The following WBP11 variants were observed in gnomAD, a reference collection of about 807,000 sequenced individuals.
The protein encoded by WBP11 is WW domain binding protein 11.
A neutral mutation model predicts 66.7 loss-of-function variants in WBP11; 12 were observed. The observed-to-expected ratio is 0.18, with a 90% CI of 0.12 to 0.29. WBP11 has a LOEUF of 0.29. Among genes scored for constraint, WBP11 ranks in the 10% least tolerant of loss-of-function variants. WBP11 has a pLI of 1.00. For synonymous variants in WBP11, 255 were observed against 273.8 expected, an observed-to-expected ratio of 0.93 and a Z score of 0.68; for missense variants, 555 against 818.3, an observed-to-expected ratio of 0.68 and a Z score of 3.93.
Position 14,787,291 on chromosome 12 carries a change from T to C in WBP11, c.1700A>G (p.Gln567Arg), listed in dbSNP as rs2137226756. 1 of 1,614,222 alleles carries C rather than the reference T, an allele frequency of 6.2e-7. No individual in the cohort carries two copies. The highest frequency in any genetic ancestry group is 2.2e-5 in the East Asian group (1 of 44,868). ...KATATISAKP[Q>R]ITNPKAEITR... Reference sequence around the variant, plus strand: ...AATCTCTGCCTTGGGATTAGTGATCTGTGGCTTGGCACTGATGGTTGCTGT... The same window carrying C: ...AATCTCTGCCTTGGGATTAGTGATCCGTGGCTTGGCACTGATGGTTGCTGT... The change falls in exon 12 of 12, where the codon CAG becomes CGG. Residue 567 changes from glutamine (Q) to arginine (R), a missense_variant. By Grantham distance (43) the Gln-to-Arg change is conservative. Transcript: ENST00000261167.
rs1474364443 is a variant in WBP11 at position 14,785,907 on chromosome 12, T to C, written c.*1158A>G. On this transcript the variant is annotated 3_prime_UTR_variant, in exon 12 of 12. Transcript: ENST00000261167. ...GGAAAATACCCAGAAAAGTTATCTA[T>C]AGGGTTAATTGGTAGATGAGTTAGT... is the stretch of plus-strand genomic sequence containing the variant. 2.6e-5 allele frequency: 4 copies of C among 152,008 alleles called. No homozygotes were observed. Among genetic ancestry groups the C allele is most frequent in the Non-Finnish European group, 1.5e-5 (1 of 68,024 alleles). The allele number at this position is 152,008 out of a possible 1,614,324, so 9.4% of individuals were successfully genotyped here.
At chr12:14,790,833 TAATA>T (rs1949813399) in intron 9 of WBP11, 84 bp from the exon 10 acceptor site, 1 of 1,309,832 alleles carries the variant, frequency 7.6e-7, no homozygotes, top group Admixed American at 2.2e-5. Flanking sequence ...TACACATGGT[TAATA>T]AATGTGTTCT....
chr12:14,792,274 T>TAA (rs34100749), intron 8 of WBP11, among the ~76,000 whole-genome samples: 3 of 151,888 alleles, frequency 2.0e-5, no homozygotes, highest in Non-Finnish European at 4.4e-5. Flanking sequence ...TATTTATGAT[T>TAA]AAAAAAAACC....
chr12:14,797,150 G>T, intron 4 of WBP11, 147 bp from the exon 5 acceptor site: 1 of 517,440 alleles, frequency 1.9e-6, no homozygotes, highest in Non-Finnish European at 3.1e-6. Context: ...TTTATTCGAA[G>T]AACTACAATA....
Position 14,796,763 on chromosome 12 carries a change from G to T in WBP11, c.387+44C>A. On this transcript the variant is annotated intron_variant, in intron 5 of 11. Coordinates refer to ENST00000261167, the MANE Select transcript of WBP11 (RefSeq NM_016312.3). The surrounding 1 kb of genome is among the most constrained non-coding windows in gnomAD (Gnocchi z 4.5). ...ACTTTGCATAAGGGATACTCAATCT[G>T]TATAATATTTTAGTTTATCTCTCAA... is the stretch of plus-strand genomic sequence containing the variant. 1.3e-6 allele frequency: 2 copies of T among 1,547,050 alleles called. No homozygotes were observed. The highest frequency in any genetic ancestry group is 8.7e-7 in the Non-Finnish European group (1 of 1,150,114).
chr12:14,795,706 G>A (rs1949885867), intron 5 of WBP11, among the ~76,000 whole-genome samples: 1 of 151,824 alleles, frequency 6.6e-6, no homozygotes, highest in Non-Finnish European at 1.5e-5. Flanking sequence ...CTCCAGCTTG[G>A]GCAACAGAGT....
At chr12:14,802,494 T>C (rs904501277) in intron 1 of WBP11, among the ~76,000 whole-genome samples, 1 of 152,228 alleles carries the variant, frequency 6.6e-6, no homozygotes, top group African/African-American at 2.4e-5. Flanking sequence ...TCAAAGGCTC[T>C]GATTTTTAGC....
At position 14,791,235 on chromosome 12, in the gene WBP11, A is replaced by T; in HGVS notation, c.949T>A (p.Ser317Thr). Residue 317 changes from serine to threonine, a missense_variant, in exon 9 of 12, where the codon TCA (serine) becomes ACA (threonine). Ser to Thr is a moderately conservative substitution (Grantham distance 58, BLOSUM62 1). Around this residue, in one of 6 missense-constraint regions of WBP11, gnomAD observed 220 missense variants for 268.2 expected, o/e 0.82. Coordinates refer to ENST00000261167, the MANE Select transcript of WBP11 (RefSeq NM_016312.3). ...SVRFADMPGK[S>T]RKKKKNMKEL... is the part of the protein sequence containing the mutation. ...TTCATGTTCTTCTTTTTCTTCCTTG[A>T]TTTTCCAGGCATATCTGCAAACCGT... 1 of 1,613,982 alleles carries T rather than the reference A, an allele frequency of 6.2e-7. No individual in the cohort carries two copies. Among genetic ancestry groups the T allele is most frequent in the Non-Finnish European group, 8.5e-7 (1 of 1,179,974 alleles).
At chr12:14,797,119 A>G (rs1376885600) in intron 4 of WBP11, 116 bp from the exon 5 acceptor site, 1 of 630,690 alleles carries the variant, frequency 1.6e-6, no homozygotes, top group Non-Finnish European at 2.4e-6. Flanking sequence ...AGATCTAGAC[A>G]CCAGACATAC....
Position 14,801,257 on chromosome 12 carries a change from T to G in WBP11, c.64+63A>C, listed in dbSNP as rs370002033. The G allele has an allele frequency of 8.8e-4, 1,333 of 1,510,340 alleles. 4 individuals are homozygous for G. The highest frequency in any genetic ancestry group is 1.3e-3 in the Admixed American group (77 of 58,394). The allele number at this position is 1,510,340 out of a possible 1,614,324, so 93.6% of individuals were successfully genotyped here. A position where few individuals can be genotyped will look rare whatever the true frequency, so the allele number is the denominator to read the frequency against. On this transcript the variant is annotated intron_variant, in intron 2 of 11. Transcript: ENST00000261167. ...GTAATTAAGCCACAGAGAAAGAAAT[T>G]CCCTAATATTTGCAATTTTTAACAC...
chr12:14,787,196 T>C lies in WBP11; in HGVS notation c.1795A>G (p.Lys599Glu). Residue 599 changes from lysine (K) to glutamate (E), a missense_variant, in exon 12 of 12, where the codon AAG (lysine) becomes GAG (glutamate). Around this residue, in one of 6 missense-constraint regions of WBP11, gnomAD observed 50 missense variants for 68.3 expected, o/e 0.73. Transcript: ENST00000261167. ...NKGATAAPQRKSEDDSAVPLA... is the reference protein window; with the variant it reads ...NKGATAAPQRESEDDSAVPLA... Reference sequence around the variant, plus strand: ...GGCACAGCAGAATCATCCTCTGACTTTCTTTGGGGAGCAGCAGTAGCCCCT... The same window carrying C: ...GGCACAGCAGAATCATCCTCTGACTCTCTTTGGGGAGCAGCAGTAGCCCCT... The C allele has an allele frequency of 6.2e-7, 1 of 1,614,082 alleles. No homozygotes were observed. The highest frequency in any genetic ancestry group is 8.5e-7 in the Non-Finnish European group (1 of 1,180,044).
At chr12:14,799,410 T>G (rs965019640) in intron 4 of WBP11, 1 of 357,252 alleles carries the variant, frequency 2.8e-6, no homozygotes, top group Non-Finnish European at 5.1e-6. Flanking sequence ...CAATAACAAT[T>G]AACTGAAAGC....
At chr12:14,791,139 AG>A in intron 9 of WBP11, 29 bp downstream of exon 9, 1 of 1,600,486 alleles carries the variant, frequency 6.2e-7, no homozygotes, top group Non-Finnish European at 8.6e-7. Flanking sequence ...ATACACCAAA[AG>A]GTGATTCACT....
rs189476607 is a variant in WBP11, at chr12:14,797,716, T to A, written c.191-713A>T. Among the ~76,000 whole-genome samples the A allele has an allele frequency of 2.0e-5, 3 of 152,338 alleles. No individual in the cohort carries two copies. In the East Asian group the frequency reaches 5.8e-4, roughly 29 times the overall value. ...CCAGAACATTCCCTGAGATTTTAAATGTAGATGTGAGAGAGATAAGCTCTC... is the reference window on the plus strand; with the variant it reads ...CCAGAACATTCCCTGAGATTTTAAAAGTAGATGTGAGAGAGATAAGCTCTC... On this transcript the variant is annotated intron_variant, in intron 4 of 11. Transcript: ENST00000261167.
chr12:14,788,375 T>C (rs1042767902), intron 11 of WBP11, among the ~76,000 whole-genome samples: 1 of 152,100 alleles, frequency 6.6e-6, no homozygotes. Flanking sequence ...CAGATTTCAG[T>C]TCTTCAAATA....
intron 10 of WBP11, among the ~76,000 whole-genome samples, chr12:14,790,170 A>G (rs1949804438): frequency 6.6e-6 from 1 of 152,216 alleles, no homozygotes; most frequent in Non-Finnish European, 1.5e-5. Context: ...AGCAATACTA[A>G]AGAAAACCTC....
At position 14,785,632 on chromosome 12, in the gene WBP11, A is replaced by G. The variant is rs1210740262; in HGVS notation, c.*1433T>C. ...CCAAACAAACAAAAGATCTTGAATA[A>G]AAATCTAAAAATCCATCAACTCAAC... On this transcript the variant is annotated 3_prime_UTR_variant, in exon 12 of 12. Transcript: ENST00000261167. 1 of 152,252 alleles carries G rather than the reference A, an allele frequency of 6.6e-6. No individual in the cohort carries two copies. The highest frequency in any genetic ancestry group is 1.5e-5 in the Non-Finnish European group (1 of 68,040). The allele number at this position is 152,252 out of a possible 1,614,324, so 9.4% of individuals were successfully genotyped here. A position where few individuals can be genotyped will look rare whatever the true frequency, so the allele number is the denominator to read the frequency against.
chr12:14,800,224 G>C (rs1304619277), intron 3 of WBP11, among the ~76,000 whole-genome samples: 2 of 151,904 alleles, frequency 1.3e-5, no homozygotes, highest in Non-Finnish European at 2.9e-5. Context: ...ATACTATAAA[G>C]CACAATACTA....
chr12:14,794,747 AAAAAAC>A lies in WBP11; in HGVS notation c.522-17_522-12del. 1 of 1,538,670 alleles carries A rather than the reference AAAAAAC, an allele frequency of 6.5e-7. No individual in the cohort carries two copies. The highest frequency in any genetic ancestry group is 8.7e-7 in the Non-Finnish European group (1 of 1,148,526). ...GCCCGAGTTGGAGGTCTGTTAAAAA[AAAAAAC>A]AAAAACAAAAAAACCCCCACAGTAA... On this transcript the variant is annotated splice_polypyrimidine_tract_variant and intron_variant, in intron 6 of 11. Transcript: ENST00000261167.
Sources: allele counts gnomAD v4.1 joint callset (sites outside exome capture counted in the v4.1 genomes callset), GRCh38; gene constraint gnomAD v4.1.1; regional missense constraint gnomAD v4.1.1; non-coding constraint Gnocchi (gnomAD v3.1); transcripts MANE v1.5; gene names NCBI Gene and HGNC (gene_info 2026-07-23, HGNC 2026-07-21).